The following PPP2R2D variants were observed in gnomAD, a reference collection of about 807,000 sequenced individuals.
PPP2R2D encodes the protein protein phosphatase 2 regulatory subunit Bdelta.
Under a neutral mutation model 31.1 loss-of-function variants are expected in PPP2R2D, and 9 were observed. The observed-to-expected ratio is 0.29, with a 90% confidence interval of 0.17 to 0.51. The LOEUF (loss-of-function observed/expected upper bound fraction) is 0.51, where lower values mean the gene tolerates loss of function less well. Ranked by LOEUF, PPP2R2D falls within the 20% of genes least tolerant of loss-of-function variation. The pLI, the probability that PPP2R2D is intolerant of heterozygous loss-of-function variation, is 0.98. For synonymous variants in PPP2R2D, 179 were observed against 172.6 expected, an observed-to-expected ratio of 1.04 and a Z score of -0.29; for missense variants, 391 against 465.6, an observed-to-expected ratio of 0.84 and a Z score of 1.48.
intron 2 of PPP2R2D, among the ~76,000 whole-genome samples, chr10:131,916,077 A>G (rs1641142772): frequency 1.3e-5 from 2 of 152,192 alleles, no homozygotes; most frequent in African/African-American, 4.8e-5. Context: ...TCGTAGGTAA[A>G]ATAGTAACCA....
At chr10:131,962,253 C>T (rs2036929579), downstream of PPP2R2D, among the ~76,000 whole-genome samples, 1 of 152,176 alleles carries the variant, frequency 6.6e-6, no homozygotes, top group African/African-American at 2.4e-5. Flanking sequence ...ACTGAAACCG[C>T]GTTTCGTGAA....
Position 131,926,754 on chromosome 10 carries a change from G to A in PPP2R2D, c.101-7704G>A, listed in dbSNP as rs538881477. ...TGTTTTTTGACTGTTGTGTGTCATCGTTTGAGTCCCTGCAGTATGCACACA... is the reference window on the plus strand; with the variant it reads ...TGTTTTTTGACTGTTGTGTGTCATCATTTGAGTCCCTGCAGTATGCACACA... On this transcript the variant is annotated intron_variant, in intron 2 of 8. Coordinates refer to ENST00000455566, the MANE Select transcript of PPP2R2D (RefSeq NM_018461.5). Among the ~76,000 whole-genome samples, 6 of 152,344 alleles carry A rather than the reference G, an allele frequency of 3.9e-5. No individual in the cohort carries two copies. The South Asian group carries it at 6.2e-4, about 16-fold the overall frequency.
At chr10:131,970,287 C>T in the PPP2R2D span, 2 of 272,708 alleles carry the variant, frequency 7.3e-6, no homozygotes, top group Non-Finnish European at 1.4e-5. The surrounding 1 kb of genome is among the most constrained non-coding windows in gnomAD (Gnocchi z 4.1). Context: ...TACAGCAGAG[C>T]TGGGTGCATT....
intron 2 of PPP2R2D, among the ~76,000 whole-genome samples, chr10:131,913,184 ATTT>A (rs36188479): frequency 3.0e-5 from 4 of 134,828 alleles, no homozygotes; most frequent in African/African-American, 5.6e-5. Context: ...TGCCCGGCTA[ATTT>A]TTTTTTTTTT....
intron 3 of PPP2R2D, among the ~76,000 whole-genome samples, chr10:131,938,089 C>T (rs1234135831): frequency 3.7e-5 from 5 of 136,026 alleles, no homozygotes; most frequent in Admixed American, 3.7e-4. Flanking sequence ...TGCAGCGACG[C>T]GGGGCAGGCG....
chr10:131,925,304 G>A (rs181949422), intron 2 of PPP2R2D, among the ~76,000 whole-genome samples: 3 of 152,304 alleles, frequency 2.0e-5, no homozygotes, highest in Admixed American at 6.5e-5. Context: ...TCTTTGTCAA[G>A]TTGAGGAAGT....
At chr10:131,919,926 C>T (rs2035936861) in intron 2 of PPP2R2D, among the ~76,000 whole-genome samples, 1 of 146,150 alleles carries the variant, frequency 6.8e-6, no homozygotes, top group African/African-American at 2.6e-5. Context: ...TGGAATGACA[C>T]AGTGTTTGTA....
At chr10:131,918,642 GTGTT>G (rs1442238498) in intron 2 of PPP2R2D, among the ~76,000 whole-genome samples, 9 of 149,810 alleles carry the variant, frequency 6.0e-5, no homozygotes, top group South Asian at 2.1e-4. Context: ...GAATGACACA[GTGTT>G]TGTAGGGACC....
chr10:131,942,316 TAAAAC>T (rs1288819621), intron 5 of PPP2R2D, among the ~76,000 whole-genome samples: 2 of 152,236 alleles, frequency 1.3e-5, no homozygotes, highest in Non-Finnish European at 2.9e-5. Flanking sequence ...TTAGCCTAAA[TAAAAC>T]GGGTATAATT....
chr10:131,961,087 G>A (rs1481687016), downstream of PPP2R2D, among the ~76,000 whole-genome samples: 1 of 152,182 alleles, frequency 6.6e-6, no homozygotes, highest in Non-Finnish European at 1.5e-5. Context: ...CCACAGGTGG[G>A]GAGACAATGC....
At chr10:131,952,633 CTGTCT>C (rs2036683625) in intron 8 of PPP2R2D, among the ~76,000 whole-genome samples, 2 of 26,478 alleles carry the variant, frequency 7.6e-5, no homozygotes, top group East Asian at 1.2e-3. Context: ...GGGGGGTTCA[CTGTCT>C]TAGTGACTTG....
At chr10:131,961,143 C>T (rs528709533), downstream of PPP2R2D, among the ~76,000 whole-genome samples, 8 of 152,202 alleles carry the variant, frequency 5.3e-5, no homozygotes, top group Non-Finnish European at 8.8e-5. Flanking sequence ...CACCTTCAGA[C>T]GCTGCCCGCG....
the PPP2R2D span, chr10:131,968,152 C>G: frequency 6.2e-6 from 1 of 160,846 alleles, no homozygotes; most frequent in East Asian, 1.7e-4. Flanking sequence ...GTTATTCATT[C>G]TTTTGAAATA....
intron 5 of PPP2R2D, among the ~76,000 whole-genome samples, chr10:131,943,282 T>C (rs782351451): frequency 6.6e-6 from 1 of 152,192 alleles, no homozygotes; most frequent in African/African-American, 2.4e-5. Flanking sequence ...ACCACAGCAC[T>C]CAACACAGAG....
At chr10:131,966,613 C>T in the PPP2R2D span, 1 of 152,216 alleles carries the variant, frequency 6.6e-6, no homozygotes, top group South Asian at 2.1e-4. Context: ...GCCGTGTGCA[C>T]TATCCTGGCT....
intron 8 of PPP2R2D, among the ~76,000 whole-genome samples, chr10:131,948,541 G>A (rs1380665659): frequency 2.0e-5 from 3 of 152,200 alleles, no homozygotes; most frequent in African/African-American, 4.8e-5. Context: ...CTCTTCAGGT[G>A]CATAGTTGAG....
rs141745201 is a variant in PPP2R2D, at chr10:131,937,897, G to T, written c.199-2134G>T. On this transcript the variant is annotated intron_variant, in intron 3 of 8. Coordinates refer to ENST00000455566, the MANE Select transcript of PPP2R2D (RefSeq NM_018461.5). ...GGAGAACAGTTTCAACATCTGCCCCGTGCAGCACACGCGGGGCAGTCAGCA... is the reference window on the plus strand; with the variant it reads ...GGAGAACAGTTTCAACATCTGCCCCTTGCAGCACACGCGGGGCAGTCAGCA... Among the ~76,000 whole-genome samples, 70 of 152,254 alleles carry T rather than the reference G, an allele frequency of 4.6e-4. 2 individuals are homozygous for T. Among genetic ancestry groups the T allele is most frequent in the African/African-American group, 1.5e-3 (62 of 41,550 alleles).
intron 2 of PPP2R2D, among the ~76,000 whole-genome samples, chr10:131,917,096 G>A (rs2035814295): frequency 6.7e-6 from 1 of 149,216 alleles, no homozygotes; most frequent in Admixed American, 6.7e-5. Flanking sequence ...ACCTCACACG[G>A]GTGGAATGAC....
chr10:131,904,193 G>C (rs1202776958), intron 2 of PPP2R2D, among the ~76,000 whole-genome samples: 138 of 120,944 alleles, frequency 1.1e-3, no homozygotes, highest in African/African-American at 4.5e-3. Context: ...GTCAGAGCGA[G>C]ACTCCGTCTC....
Sources: gnomAD v4.1 joint callset for allele counts (sites outside exome capture counted in the v4.1 genomes callset) on GRCh38, gnomAD v4.1.1 for gene constraint, Gnocchi (gnomAD v3.1) non-coding constraint, MANE v1.5 for transcripts, NCBI Gene and HGNC (gene_info 2026-07-23, HGNC 2026-07-21) for gene names.